Variants in SLIT3 observed in about 807,000 individuals in gnomAD.
SLIT3 encodes slit guidance ligand 3, also known as slit homolog 3 protein.
SLIT3 carries 68 observed loss-of-function variants against 184.0 expected under a neutral mutation model. The observed-to-expected ratio is 0.37, with a 90% CI of 0.30 to 0.45. The LOEUF (loss-of-function observed/expected upper bound fraction) is 0.45, where lower values mean the gene tolerates loss of function less well. Ranked by LOEUF, SLIT3 falls within the 20% of genes least tolerant of loss-of-function variation. The pLI is 1.00. For synonymous variants in SLIT3, 831 were observed against 828.6 expected (o/e 1.00, Z -0.05); for missense variants, 1,707 against 2,026.0 (o/e 0.84, Z 3.02).
rs537475323 is a variant in SLIT3, at chr5:169,207,416, C to T, written c.342-13866G>A. Among the ~76,000 whole-genome samples the T allele has an allele frequency of 1.9e-3, 280 of 147,610 alleles. 2 individuals carry two copies. The highest frequency in any genetic ancestry group is 6.7e-3 in the African/African-American group (268 of 39,942). On this transcript the variant is annotated intron_variant, in intron 3 of 35. Coordinates refer to ENST00000519560, the MANE Select transcript of SLIT3 (RefSeq NM_003062.4). Reference sequence around the variant, plus strand: ...ACACACACACACACACACACACACACGGCACCAAGTCCATCCTGAAAAGAA... The same window carrying T: ...ACACACACACACACACACACACACATGGCACCAAGTCCATCCTGAAAAGAA...
intron 4 of SLIT3, among the ~76,000 whole-genome samples, chr5:168,919,281 A>C (rs1486961509): frequency 6.6e-6 from 1 of 151,620 alleles, no homozygotes; most frequent in Non-Finnish European, 1.5e-5. Flanking sequence ...AAAAAGAAAC[A>C]TAGGATATAT....
intron 1 of SLIT3, among the ~76,000 whole-genome samples, chr5:169,251,879 C>T (rs993165179): frequency 6.6e-6 from 1 of 152,192 alleles, no homozygotes; most frequent in South Asian, 2.1e-4. Context: ...GACTCAAAAT[C>T]CCAATAACTG....
intron 19 of SLIT3, among the ~76,000 whole-genome samples, chr5:168,748,793 A>T (rs1303873306): frequency 6.6e-6 from 1 of 152,096 alleles, no homozygotes; most frequent in South Asian, 2.1e-4. Context: ...TCCCACAACT[A>T]CACAGTCCCT....
chr5:169,225,893 G>A (rs1046285745), intron 3 of SLIT3, among the ~76,000 whole-genome samples: 5 of 152,176 alleles, frequency 3.3e-5, no homozygotes, highest in Non-Finnish European at 7.3e-5. Context: ...TCTGTGTTTG[G>A]GAAGCTCACT....
chr5:169,232,778 T>C (rs367785972), intron 3 of SLIT3, among the ~76,000 whole-genome samples: 13 of 152,222 alleles, frequency 8.5e-5, no homozygotes, highest in African/African-American at 3.1e-4. Flanking sequence ...CATTCCTATA[T>C]AAATTTTAGC....
chr5:169,076,930 T>C (rs1758764865), intron 4 of SLIT3, among the ~76,000 whole-genome samples: 1 of 151,436 alleles, frequency 6.6e-6, no homozygotes, highest in South Asian at 2.1e-4. Context: ...CACACAAAAA[T>C]CCCTCTCTCT....
At chr5:169,096,303 CA>C (rs1451008822) in intron 4 of SLIT3, among the ~76,000 whole-genome samples, 5 of 152,174 alleles carry the variant, frequency 3.3e-5, no homozygotes, top group African/African-American at 9.7e-5. Context: ...ATGTTATAAA[CA>C]TCCTTGTCTA....
At chr5:168,771,985 G>GT (rs1755566410) in intron 14 of SLIT3, among the ~76,000 whole-genome samples, 1 of 147,764 alleles carries the variant, frequency 6.8e-6, no homozygotes, top group African/African-American at 2.6e-5. Flanking sequence ...GCAGTTTGGT[G>GT]ATTTTTTTTC....
At chr5:168,674,381 C>G (rs1314889013) in intron 32 of SLIT3, among the ~76,000 whole-genome samples, 1 of 151,990 alleles carries the variant, frequency 6.6e-6, no homozygotes, top group East Asian at 1.9e-4. Flanking sequence ...GAAGGAAATG[C>G]TCATTAGAAG....
chr5:168,746,713 TGTG>T (rs1226375573), intron 20 of SLIT3, among the ~76,000 whole-genome samples: 29 of 99,704 alleles, frequency 2.9e-4, no homozygotes, highest in South Asian at 3.7e-4. Context: ...TGGTGTGTGG[TGTG>T]GGTGTGGCGG....
At chr5:168,800,955 T>C (rs1756746954) in intron 9 of SLIT3, among the ~76,000 whole-genome samples, 1 of 107,154 alleles carries the variant, frequency 9.3e-6, no homozygotes, top group African/African-American at 3.4e-5. Flanking sequence ...TTCCAAACAG[T>C]TCTCCATGTT....
intron 32 of SLIT3, among the ~76,000 whole-genome samples, chr5:168,675,821 G>T (rs1335813349): frequency 6.6e-6 from 1 of 152,184 alleles, no homozygotes; most frequent in Non-Finnish European, 1.5e-5. Context: ...CCCTGTTCTA[G>T]TGCTGATCCC....
chr5:168,753,072 C>A lies in SLIT3; in HGVS notation c.1856G>T (p.Cys619Phe), dbSNP rs1039001253. 6.2e-7 allele frequency: 1 copy of A among 1,614,130 alleles called. No homozygotes were observed. Among genetic ancestry groups the A allele is most frequent in the East Asian group, 2.2e-5 (1 of 44,874 alleles). Residue 619 changes from cysteine to phenylalanine, a missense_variant, in exon 18 of 36, where the codon TGT becomes TTT. Cys to Phe is a radical substitution (Grantham distance 205). This residue lies in a region of SLIT3 where 1,307 missense variants were observed against 1,511.6 expected (regional missense o/e 0.86). Coordinates refer to ENST00000519560, the MANE Select transcript of SLIT3 (RefSeq NM_003062.4). Reference sequence around the variant, plus strand: ...GCCGGCAAAGGTGTCATTACTCACACAGCCGATCAAGTTACTCCTCAGCAT... The same window carrying A: ...GCCGGCAAAGGTGTCATTACTCACAAAGCCGATCAAGTTACTCCTCAGCAT... Reference protein sequence around the residue: ...TLMLRSNLIGCVSNDTFAGLS... With the variant: ...TLMLRSNLIGFVSNDTFAGLS...
intron 4 of SLIT3, among the ~76,000 whole-genome samples, chr5:168,925,450 G>T (rs1761785196): frequency 5.9e-5 from 9 of 152,154 alleles, no homozygotes; most frequent in Admixed American, 5.9e-4. Context: ...ACCAGCAAGA[G>T]GGTTCCCTGG....
chr5:168,804,117 G>A (rs983830589), intron 9 of SLIT3, among the ~76,000 whole-genome samples: 1 of 151,744 alleles, frequency 6.6e-6, no homozygotes, highest in African/African-American at 2.4e-5. Flanking sequence ...GACCAGCCTG[G>A]CCAACATGAT....
At chr5:168,803,967 A>G (rs1756860287) in intron 9 of SLIT3, among the ~76,000 whole-genome samples, 1 of 151,510 alleles carries the variant, frequency 6.6e-6, no homozygotes, top group African/African-American at 2.4e-5. Context: ...GACCATGGGT[A>G]GGGCAAGGGA....
intron 1 of SLIT3, among the ~76,000 whole-genome samples, chr5:169,272,935 G>T (rs949721086): frequency 1.3e-5 from 2 of 152,108 alleles, no homozygotes; most frequent in African/African-American, 4.8e-5. Flanking sequence ...CAACCTGCTG[G>T]GGTGGGAGCC....
At chr5:168,706,753 G>C (rs1035395667) in intron 26 of SLIT3, 3 of 152,188 alleles carry the variant, frequency 2.0e-5, no homozygotes, top group African/African-American at 7.2e-5. Context: ...GCCCATAGGT[G>C]GCACTCTGAC....
chr5:169,266,919 T>G lies in SLIT3; in HGVS notation c.198-15460A>C, dbSNP rs372155925. ...CTTTGGATCCTAACACATATTACCT[T>G]AAGCAATGTTTTTAAGAAGGCCACT... is the stretch of plus-strand genomic sequence containing the variant. On this transcript the variant is annotated intron_variant, in intron 1 of 35. Coordinates refer to ENST00000519560, the MANE Select transcript of SLIT3 (RefSeq NM_003062.4). 8.5e-5 allele frequency among the ~76,000 whole-genome samples: 13 copies of G among 152,282 alleles called. No individual in the cohort carries two copies. In the East Asian group the frequency reaches 2.5e-3, roughly 29 times the overall value.
Sources: allele counts gnomAD v4.1 joint callset (sites outside exome capture counted in the v4.1 genomes callset), GRCh38; gene constraint gnomAD v4.1.1; regional missense constraint gnomAD v4.1.1; transcripts MANE v1.5; gene names NCBI Gene and HGNC (gene_info 2026-07-23, HGNC 2026-07-21).